The following MDN1 variants were observed in gnomAD, a reference collection of about 807,000 sequenced individuals.
MDN1 encodes midasin AAA ATPase 1.
In MDN1, 266 loss-of-function variants were observed where a neutral mutation model predicts 669.2. That is an observed-to-expected ratio of 0.40 (90% CI 0.36 to 0.44). MDN1 has a LOEUF of 0.44. Ranked by LOEUF, MDN1 falls within the 20% of genes least tolerant of loss-of-function variation. MDN1 has a pLI of 1.00. For synonymous variants in MDN1, 2,385 were observed against 2,457.1 expected (o/e 0.97, Z 0.87); for missense variants, 5,940 against 6,754.0 (o/e 0.88, Z 4.22).
chr6:89,782,317 AG>A (rs1235028523), intron 9 of MDN1, among the ~76,000 whole-genome samples: 1 of 152,194 alleles, frequency 6.6e-6, no homozygotes, highest in South Asian at 2.1e-4. Context: ...TAAAAGGAGC[AG>A]GGTACAGTGG....
rs1462917557 is a variant in MDN1 at position 89,708,572 on chromosome 6, T to G, written c.7822A>C (p.Arg2608=). 1 of 1,613,914 alleles carries G rather than the reference T, an allele frequency of 6.2e-7. No individual in the cohort carries two copies. Among genetic ancestry groups the G allele is most frequent in the Non-Finnish European group, 8.5e-7 (1 of 1,179,888 alleles). The change falls in exon 51 of 102, where the codon AGA becomes CGA. Residue 2608 remains arginine, a synonymous_variant. Transcript: ENST00000369393. ...RWNMQALDMI[R]NLMDFDPQTD... ...TGTGGGTCAAAGTCCATCAAATTTC[T>G]AATCATGTCCAGAGCCTGCATATTC...
intron 38 of MDN1, among the ~76,000 whole-genome samples, 191 bp from the exon 39 acceptor site, chr6:89,723,810 C>T (rs1815004172): frequency 6.6e-6 from 1 of 152,050 alleles, no homozygotes; most frequent in South Asian, 2.1e-4. Context: ...CTAAATACAG[C>T]TGAGTAGAGG....
chr6:89,773,462 C>A (rs916924367), intron 13 of MDN1, among the ~76,000 whole-genome samples: 1 of 150,934 alleles, frequency 6.6e-6, no homozygotes, highest in Non-Finnish European at 1.5e-5. Flanking sequence ...ATCACTTGAA[C>A]CCTGGAGGTG....
At position 89,662,062 on chromosome 6, in the gene MDN1, C is replaced by T. The variant is rs763460734; in HGVS notation, c.14565+25G>A. 3.2e-5 allele frequency: 51 copies of T among 1,600,900 alleles called. No individual in the cohort carries two copies. The Admixed American group carries it at 4.3e-4, about 14-fold the overall frequency. ...GAGCTCTGGCCTTGAGTCAAGAGAG[C>T]GGATCAGTTTCAAATCTTCATTACC... On this transcript the variant is annotated intron_variant, in intron 87 of 101. Transcript: ENST00000369393.
At chr6:89,788,618 G>A (rs1018139731) in intron 7 of MDN1, among the ~76,000 whole-genome samples, 2 of 152,160 alleles carry the variant, frequency 1.3e-5, no homozygotes, top group African/African-American at 4.8e-5. Context: ...TAAGGGCTTT[G>A]AACTTTTTCA....
At chr6:89,743,047 A>C in intron 31 of MDN1, 103 bp downstream of exon 31, 7 of 1,373,590 alleles carry the variant, frequency 5.1e-6, no homozygotes, top group Non-Finnish European at 7.0e-6. Flanking sequence ...ATGACACGGC[A>C]CTGCAGCCTG....
chr6:89,673,279 A>C lies in MDN1; in HGVS notation c.13431T>G (p.Phe4477Leu). The C allele has an allele frequency of 3.1e-6, 5 of 1,614,188 alleles. No individual in the cohort carries two copies. The highest frequency in any genetic ancestry group is 4.2e-6 in the Non-Finnish European group (5 of 1,180,014). The change falls in exon 80 of 102, where the codon TTT (phenylalanine) becomes TTG (leucine). Residue 4477 changes from phenylalanine to leucine, a missense_variant. Physicochemically the swap from Phe to Leu is conservative, Grantham distance 22 (BLOSUM62 0). Coordinates refer to ENST00000369393, the MANE Select transcript of MDN1 (RefSeq NM_014611.3). ...TAAGCAGATGGGTCTTCCAGGTAGT[A>C]AAGTCAGCCATGGCTTTACTAATTT... ...RGEISKAMAD[F>L]TTWKTHLLTS...
At chr6:89,740,109 T>G in intron 32 of MDN1, 125 bp downstream of exon 32, 1 of 1,103,492 alleles carries the variant, frequency 9.1e-7, no homozygotes, top group Non-Finnish European at 1.3e-6. Flanking sequence ...TTTTGAGTTT[T>G]TACACTTTTT....
intron 83 of MDN1, among the ~76,000 whole-genome samples, chr6:89,670,170 A>ATATATATATTT (rs1444537561): frequency 3.8e-4 from 9 of 23,408 alleles, no homozygotes; most frequent in East Asian, 6.7e-3. Flanking sequence ...ATATATATAT[A>ATATATATATTT]TTTTTTTTTT....
chr6:89,704,033 A>T (rs924613495), intron 53 of MDN1, among the ~76,000 whole-genome samples: 3 of 138,356 alleles, frequency 2.2e-5, no homozygotes, highest in Non-Finnish European at 4.7e-5. Flanking sequence ...AAAAAAAAAA[A>T]TTGAGGATAT....
rs1396177462 is a variant in MDN1 at position 89,643,009 on chromosome 6, G to A, written c.*996C>T. On this transcript the variant is annotated 3_prime_UTR_variant, in exon 102 of 102. Coordinates refer to ENST00000369393, the MANE Select transcript of MDN1 (RefSeq NM_014611.3). ...CATACTGCCTACAAAAGAACATTCT[G>A]ACAGAACATTAAGTAGAACAGAGCA... 6.6e-6 allele frequency: 1 copy of A among 152,168 alleles called. No homozygotes were observed. The highest frequency in any genetic ancestry group is 1.5e-5 in the Non-Finnish European group (1 of 68,032). 9.4% of individuals were successfully genotyped at this position (152,168 alleles called of 1,614,324 possible).
intron 2 of MDN1, 71 bp from the exon 3 acceptor site, chr6:89,794,872 G>C: frequency 8.0e-7 from 1 of 1,249,338 alleles, no homozygotes. Flanking sequence ...CTTTGTAATA[G>C]GTTTATCAGA....
At chr6:89,815,239 C>T in intron 1 of MDN1, 1 of 417,352 alleles carries the variant, frequency 2.4e-6, no homozygotes, top group Non-Finnish European at 4.7e-6. Context: ...TACTCCTTGA[C>T]AGAGCTCCTC....
At chr6:89,659,029 G>A (rs1270709743) in intron 88 of MDN1, 112 bp from the exon 89 acceptor site, 41 of 1,109,034 alleles carry the variant, frequency 3.7e-5, no homozygotes, top group Admixed American at 1.9e-4. Flanking sequence ...CTAAACCAGC[G>A]AGTGGCAAAT....
At chr6:89,788,098 T>C (rs1819061536) in intron 7 of MDN1, 141 bp from the exon 8 acceptor site, 2 of 693,276 alleles carry the variant, frequency 2.9e-6, no homozygotes, top group Non-Finnish European at 4.9e-6. Context: ...GGGGTCAGTA[T>C]GCAGGTGGGA....
chr6:89,684,961 T>C lies in MDN1; in HGVS notation c.11744A>G (p.Asn3915Ser). ...GKDSLCSVLW[N>S]LYHYYKQFFD... Reference sequence around the variant, plus strand: ...GAATTGCTTGTAATAATGGTACAAATTCCATAGAACACTGCAAAGTGAATC... The same window carrying C: ...GAATTGCTTGTAATAATGGTACAAACTCCATAGAACACTGCAAAGTGAATC... Residue 3915 changes from asparagine to serine, a missense_variant, in exon 71 of 102, where the codon AAT becomes AGT. By Grantham distance (46) the Asn-to-Ser change is conservative. This residue lies in a region of MDN1 where 2,280 missense variants were observed against 2,576.3 expected (regional missense o/e 0.88). Coordinates refer to ENST00000369393, the MANE Select transcript of MDN1 (RefSeq NM_014611.3). 6.2e-7 allele frequency: 1 copy of C among 1,613,160 alleles called. No homozygotes were observed. The highest frequency in any genetic ancestry group is 1.1e-5 in the South Asian group (1 of 91,032).
At chr6:89,666,870 A>C (rs1452369442) in intron 84 of MDN1, among the ~76,000 whole-genome samples, 1 of 152,174 alleles carries the variant, frequency 6.6e-6, no homozygotes, top group Admixed American at 6.5e-5. Flanking sequence ...ATTCTACTTC[A>C]TTAATAGTTT....
intron 47 of MDN1, 74 bp downstream of exon 47, chr6:89,713,074 T>G: frequency 6.6e-7 from 1 of 1,520,038 alleles, no homozygotes; most frequent in Non-Finnish European, 8.9e-7. Context: ...GTTGCCACCT[T>G]TAAAAATAAT....
At chr6:89,702,529 A>G (rs1358290629) in intron 53 of MDN1, among the ~76,000 whole-genome samples, 1 of 152,210 alleles carries the variant, frequency 6.6e-6, no homozygotes, top group South Asian at 2.1e-4. Flanking sequence ...TTCAAGTTAC[A>G]TTTCTTTGAT....
Sources: allele counts gnomAD v4.1 joint callset (sites outside exome capture counted in the v4.1 genomes callset), GRCh38; gene constraint gnomAD v4.1.1; regional missense constraint gnomAD v4.1.1; transcripts MANE v1.5; gene names NCBI Gene and HGNC (gene_info 2026-07-23, HGNC 2026-07-21).